The following ZDHHC15 variants were observed in gnomAD, a reference collection of about 807,000 sequenced individuals.
ZDHHC15 encodes the protein zDHHC palmitoyltransferase 15, also known as palmitoyltransferase ZDHHC15.
ZDHHC15 carries 19 observed loss-of-function variants against 31.7 expected under a neutral mutation model. The ratio of observed to expected loss-of-function variants is 0.60; its 90% CI spans 0.42 to 0.88. ZDHHC15 has a LOEUF of 0.88. Among genes scored for constraint, ZDHHC15 ranks in the 40% least tolerant of loss-of-function variants. The pLI, the probability that ZDHHC15 is intolerant of heterozygous loss-of-function variation, is 0.00. For synonymous variants in ZDHHC15, 103 were observed against 90.0 expected, an observed-to-expected ratio of 1.14 and a Z score of -0.82; for missense variants, 209 against 251.2, an observed-to-expected ratio of 0.83 and a Z score of 1.14.
chrX:75,497,995 G>T (rs148059773), intron 2 of ZDHHC15, among the ~76,000 whole-genome samples: 1,803 of 106,475 alleles, frequency 0.017, 47 homozygotes, highest in African/African-American at 0.059. Flanking sequence ...GTGCAATGGC[G>T]TGATCTCAGC....
intron 2 of ZDHHC15, among the ~76,000 whole-genome samples, chrX:75,494,907 T>A (rs747967120): frequency 4.7e-4 from 52 of 111,479 alleles, no homozygotes; most frequent in African/African-American, 1.5e-3. Flanking sequence ...CGAAAGCAAT[T>A]GCAACAAAAG....
rs59452190 is a variant in ZDHHC15, at chrX:75,514,757, T to C, written c.136+8132A>G. On this transcript the variant is annotated intron_variant, in intron 1 of 11. Coordinates refer to ENST00000373367, the MANE Select transcript of ZDHHC15 (RefSeq NM_144969.3). ...AGATTATATCCCATGCAAGGCTCGG[T>C]GGGTCTCACGCCCATGGAGCCTTGC... Among the ~76,000 whole-genome samples, 790 of 111,407 alleles carry C rather than the reference T, an allele frequency of 7.1e-3. 48 individuals carry two copies. In the East Asian group the frequency reaches 0.2, roughly 28 times the overall value.
intron 4 of ZDHHC15, among the ~76,000 whole-genome samples, chrX:75,449,955 G>A (rs979971852): frequency 4.5e-5 from 5 of 111,526 alleles, no homozygotes; most frequent in Non-Finnish European, 9.4e-5. Context: ...ATTTACTCAA[G>A]GAAAAAGAAG....
At chrX:75,521,187 T>C (rs59166708) in intron 1 of ZDHHC15, among the ~76,000 whole-genome samples, 1,963 of 110,327 alleles carry the variant, frequency 0.018, 48 homozygotes, top group African/African-American at 0.061. Context: ...TATAAACATA[T>C]TGGAGCCCCA....
chrX:75,371,082 G>T lies in ZDHHC15; in HGVS notation c.*1896C>A, dbSNP rs921948147. ...ATGCTTGGCAGAAGATGATTGATGGGAAAGAGGAAGATTACTTTGAGGCCT... is the reference window on the plus strand; with the variant it reads ...ATGCTTGGCAGAAGATGATTGATGGTAAAGAGGAAGATTACTTTGAGGCCT... On this transcript the variant is annotated 3_prime_UTR_variant, in exon 12 of 12. Transcript: ENST00000373367. The T allele has an allele frequency of 9.0e-6, 1 of 111,556 alleles. No individual in the cohort carries two copies. Among genetic ancestry groups the T allele is most frequent in the Non-Finnish European group, 1.9e-5 (1 of 53,192 alleles). 9.2% of individuals were successfully genotyped at this position (111,556 alleles called of 1,213,427 possible).
Position 75,373,926 on chromosome X carries a change from G to GTTTTTTTTTTTTTTTTTTTTT in ZDHHC15, c.*33-1002_*33-982dup, listed in dbSNP as rs35704680. On this transcript the variant is annotated intron_variant, in intron 11 of 11. Coordinates refer to ENST00000373367, the MANE Select transcript of ZDHHC15 (RefSeq NM_144969.3). Reference sequence around the variant, plus strand: ...ATACTAGGTCTTATTCATTCTTTCTGTTTTTTTTTTTTTTTTTTTTTTGTA... The same window carrying GTTTTTTTTTTTTTTTTTTTTT: ...ATACTAGGTCTTATTCATTCTTTCTGTTTTTTTTTTTTTTTTTTTTTTTTTTTTTTTTTTTTTTTTTTTGTA... 1.4e-4 allele frequency among the ~76,000 whole-genome samples: 7 copies of GTTTTTTTTTTTTTTTTTTTTT among 50,457 alleles called. 1 individual carries two copies. The highest frequency in any genetic ancestry group is 1.9e-3 in the South Asian group (1 of 528). The allele number at this position is 50,457 out of a possible 115,157, so 43.8% of individuals were successfully genotyped here.
chrX:75,442,713 G>A (rs754487516), intron 4 of ZDHHC15, among the ~76,000 whole-genome samples: 7 of 111,280 alleles, frequency 6.3e-5, no homozygotes, highest in Admixed American at 2.8e-4. Context: ...TGGGCCGGGC[G>A]CGGTGGCTCA....
chrX:75,462,949 G>T (rs2147940573), intron 3 of ZDHHC15, among the ~76,000 whole-genome samples: 1 of 110,468 alleles, frequency 9.1e-6, no homozygotes, highest in African/African-American at 3.3e-5. Context: ...ACAGAGACAT[G>T]AAAAAACTCT....
intron 10 of ZDHHC15, among the ~76,000 whole-genome samples, chrX:75,400,565 AT>A (rs1021778699): frequency 8.9e-6 from 1 of 112,210 alleles, no homozygotes; most frequent in African/African-American, 3.2e-5. Flanking sequence ...ATTTCAGGAT[AT>A]TGTCCATGAA....
intron 3 of ZDHHC15, among the ~76,000 whole-genome samples, chrX:75,471,018 G>A (rs1445895029): frequency 2.7e-5 from 3 of 112,412 alleles, no homozygotes; most frequent in Non-Finnish European, 5.6e-5. Context: ...ACAGAAAACA[G>A]ATGGATTTTG....
chrX:75,425,093 G>A (rs1170130953), intron 7 of ZDHHC15, among the ~76,000 whole-genome samples: 2 of 110,662 alleles, frequency 1.8e-5, no homozygotes, highest in Admixed American at 9.8e-5. Flanking sequence ...GTATGCAACC[G>A]CTTACAGCTT....
intron 10 of ZDHHC15, 103 bp from the exon 11 acceptor site, chrX:75,379,301 C>T: frequency 4.9e-6 from 4 of 818,213 alleles, no homozygotes; most frequent in Non-Finnish European, 7.3e-6. Context: ...CTGCAGGCAA[C>T]AGATACCTGC....
intron 10 of ZDHHC15, among the ~76,000 whole-genome samples, chrX:75,380,901 C>T (rs2083107594): frequency 9.0e-6 from 1 of 111,372 alleles, no homozygotes; most frequent in African/African-American, 3.3e-5. Context: ...TCCTAGATCT[C>T]CTTTACTTTA....
chrX:75,465,769 C>A (rs946784212), intron 3 of ZDHHC15, among the ~76,000 whole-genome samples: 21 of 111,491 alleles, frequency 1.9e-4, no homozygotes, highest in African/African-American at 6.5e-4. Context: ...AACTGGCCCC[C>A]TTCCTTACAC....
intron 3 of ZDHHC15, among the ~76,000 whole-genome samples, chrX:75,461,787 A>G (rs1271969938): frequency 8.9e-6 from 1 of 112,026 alleles, no homozygotes; most frequent in Admixed American, 9.5e-5. Context: ...GAAGCACTAA[A>G]TATGGAAAGG....
Position 75,385,666 on chromosome X carries a change from C to T in ZDHHC15, c.968-6468G>A, listed in dbSNP as rs781673553. ...CAGGCTACTTTCTTCATGTCCCCCTCACTTAGCTTGGGGTGTTGCGCATTA... is the reference window on the plus strand; with the variant it reads ...CAGGCTACTTTCTTCATGTCCCCCTTACTTAGCTTGGGGTGTTGCGCATTA... On this transcript the variant is annotated intron_variant, in intron 10 of 11. Coordinates refer to ENST00000373367, the MANE Select transcript of ZDHHC15 (RefSeq NM_144969.3). 9.0e-5 allele frequency among the ~76,000 whole-genome samples: 10 copies of T among 111,294 alleles called. No individual in the cohort carries two copies. In the South Asian group the frequency reaches 3.0e-3, roughly 34 times the overall value.
rs143275185 is a variant in ZDHHC15 at position 75,471,288 on chromosome X, T to C, written c.258+7603A>G. Among the ~76,000 whole-genome samples, 306 of 112,359 alleles carry C rather than the reference T, an allele frequency of 2.7e-3. 1 individual carries two copies. Among genetic ancestry groups the C allele is most frequent in the African/African-American group, 9.5e-3 (293 of 30,941 alleles). ...ACTCTCTGTCTTTGTGACATTATCTTATTGGGAGAGACCTTGATCGTTTTT... is the reference window on the plus strand; with the variant it reads ...ACTCTCTGTCTTTGTGACATTATCTCATTGGGAGAGACCTTGATCGTTTTT... On this transcript the variant is annotated intron_variant, in intron 3 of 11. Transcript: ENST00000373367.
intron 3 of ZDHHC15, among the ~76,000 whole-genome samples, chrX:75,470,290 G>C (rs1471208078): frequency 8.9e-6 from 1 of 111,841 alleles, no homozygotes; most frequent in Non-Finnish European, 1.9e-5. Context: ...TGGACTCCAA[G>C]TTCTTCAGTT....
At chrX:75,513,449 G>T (rs946550999) in intron 1 of ZDHHC15, among the ~76,000 whole-genome samples, 5 of 111,399 alleles carry the variant, frequency 4.5e-5, no homozygotes, top group Non-Finnish European at 9.4e-5. Flanking sequence ...AATAACCAGA[G>T]AGGAAGACTT....
Sources: gnomAD v4.1 joint callset for allele counts (sites outside exome capture counted in the v4.1 genomes callset) on GRCh38, gnomAD v4.1.1 for gene constraint, MANE v1.5 for transcripts, NCBI Gene and HGNC (gene_info 2026-07-23, HGNC 2026-07-21) for gene names.